LSM14A: variants seen among roughly 807,000 people sequenced by gnomAD.
LSM14A encodes LSM14A mRNA processing body assembly factor, also known as protein LSM14 homolog A.
In LSM14A, 14 loss-of-function variants were observed where a neutral mutation model predicts 52.4. That is an observed-to-expected ratio of 0.27 (90% confidence interval 0.18 to 0.42). The LOEUF (loss-of-function observed/expected upper bound fraction) is 0.42, where lower values mean the gene tolerates loss of function less well. LSM14A is among the 10% of genes least tolerant of loss of function. The probability of loss-of-function intolerance (pLI) is 1.00; values close to 1 mark genes in which losing one functional copy is unlikely to be tolerated. For synonymous variants in LSM14A, 185 were observed against 200.3 expected, an observed-to-expected ratio of 0.92 and a Z score of 0.64; for missense variants, 417 against 581.8, an observed-to-expected ratio of 0.72 and a Z score of 2.91.
intron 4 of LSM14A, among the ~76,000 whole-genome samples, chr19:34,210,385 T>C (rs2145788108): frequency 6.6e-6 from 1 of 152,064 alleles, no homozygotes; most frequent in South Asian, 2.1e-4. Flanking sequence ...TTCTCCTGCC[T>C]CACCCTCCCA....
At chr19:34,199,721 C>G (rs947273893) in intron 3 of LSM14A, among the ~76,000 whole-genome samples, 3 of 152,090 alleles carry the variant, frequency 2.0e-5, no homozygotes, top group Non-Finnish European at 4.4e-5. Flanking sequence ...AATACCACTC[C>G]CCACTAAAAG....
intron 1 of LSM14A, among the ~76,000 whole-genome samples, chr19:34,193,715 G>A (rs2070635385): frequency 6.6e-6 from 1 of 152,088 alleles, no homozygotes; most frequent in South Asian, 2.1e-4. Context: ...TTACTGCTCA[G>A]CAAGGTAAAT....
chr19:34,219,095 C>T (rs2145865194), intron 6 of LSM14A, among the ~76,000 whole-genome samples: 1 of 152,290 alleles, frequency 6.6e-6, no homozygotes, highest in East Asian at 1.9e-4. Flanking sequence ...TAATTTAGTG[C>T]AGAAGCCTCC....
chr19:34,220,948 T>C (rs757281039), intron 8 of LSM14A, among the ~76,000 whole-genome samples: 5 of 152,194 alleles, frequency 3.3e-5, no homozygotes, highest in Non-Finnish European at 7.3e-5. Flanking sequence ...ATTTTGGAGC[T>C]GTTACTATGT....
chr19:34,215,917 G>A (rs2072551563), intron 6 of LSM14A, among the ~76,000 whole-genome samples: 1 of 152,062 alleles, frequency 6.6e-6, no homozygotes, highest in African/African-American at 2.4e-5. Context: ...TGTACAAACT[G>A]GTGACATCTG....
intron 3 of LSM14A, among the ~76,000 whole-genome samples, chr19:34,202,492 C>CAA (rs113672361): frequency 9.9e-5 from 9 of 90,458 alleles, no homozygotes; most frequent in East Asian, 3.1e-4. Flanking sequence ...GACTGTGTCT[C>CAA]AAAAAAAAAA....
chr19:34,216,703 C>A (rs9676318), intron 6 of LSM14A, among the ~76,000 whole-genome samples: 15,735 of 152,068 alleles, frequency 0.1, 1,493 homozygotes, highest in African/African-American at 0.23. Context: ...TATTTTCCAC[C>A]CACCTCAGCC....
intron 1 of LSM14A, among the ~76,000 whole-genome samples, chr19:34,173,633 A>G (rs941700263): frequency 2.6e-5 from 4 of 152,194 alleles, no homozygotes; most frequent in African/African-American, 9.7e-5. Flanking sequence ...TCACACGTGC[A>G]GGGCCTTTGC....
chr19:34,179,470 C>G (rs989938712), intron 1 of LSM14A, among the ~76,000 whole-genome samples: 1 of 152,128 alleles, frequency 6.6e-6, no homozygotes, highest in Non-Finnish European at 1.5e-5. Flanking sequence ...AACTTCAAGC[C>G]ACAGTTTCTT....
chr19:34,226,565 G>A, intron 9 of LSM14A: 1 of 1,013,108 alleles, frequency 9.9e-7, no homozygotes, highest in Non-Finnish European at 1.4e-6. Flanking sequence ...CATACCATAT[G>A]TATTTCAGTT....
Position 34,219,590 on chromosome 19 carries a change from C to A in LSM14A, c.964+17C>A. The A allele has an allele frequency of 6.3e-7, 1 of 1,595,512 alleles. No homozygotes were observed. Among genetic ancestry groups the A allele is most frequent in the Non-Finnish European group, 8.6e-7 (1 of 1,168,534 alleles). ...AATTAAAAGGTAAGCTTTGATTTTT[C>A]TTTTCAGAAAATAATCTTATTTGAT... On this transcript the variant is annotated intron_variant, in intron 7 of 9. Transcript: ENST00000544216.
At chr19:34,193,202 C>G (rs2070581519) in intron 1 of LSM14A, among the ~76,000 whole-genome samples, 1 of 152,136 alleles carries the variant, frequency 6.6e-6, no homozygotes, top group Non-Finnish European at 1.5e-5. Flanking sequence ...GCTGTGTCAC[C>G]CAGGCTGCAG....
At chr19:34,225,234 C>CA (rs1199545574) in intron 9 of LSM14A, among the ~76,000 whole-genome samples, 1 of 149,630 alleles carries the variant, frequency 6.7e-6, no homozygotes, top group Non-Finnish European at 1.5e-5. Flanking sequence ...AAAGGTCTGT[C>CA]AATGTAGCTA....
chr19:34,212,584 T>C (rs777616228), intron 4 of LSM14A, among the ~76,000 whole-genome samples: 2 of 152,246 alleles, frequency 1.3e-5, no homozygotes, highest in Non-Finnish European at 2.9e-5. Flanking sequence ...TTAAGTTTTA[T>C]CAACTAAAAT....
At chr19:34,196,542 T>C (rs530550093) in intron 2 of LSM14A, 92 bp from the exon 3 acceptor site, 203 of 1,242,652 alleles carry the variant, frequency 1.6e-4, no homozygotes, top group Non-Finnish European at 2.2e-4. Context: ...TATAATTTAA[T>C]AGTTTTCTTA....
intron 1 of LSM14A, among the ~76,000 whole-genome samples, chr19:34,190,146 G>C (rs549024378): frequency 6.6e-6 from 1 of 152,170 alleles, no homozygotes; most frequent in Admixed American, 6.5e-5. Flanking sequence ...TAATGTTCAA[G>C]TTTTAATCTT....
In LSM14A at chr19:34,215,196, C is replaced by T. The variant is rs1270430634; in HGVS notation, c.611C>T (p.Ala204Val). Reference protein sequence around the residue: ...TMEQAVQTASAHLPAPAAVGR... With the variant: ...TMEQAVQTASVHLPAPAAVGR... ...GAACAAGCAGTGCAGACCGCCTCAG[C>T]CCACTTACCTGCTCCAGCAGCTGTT... The change falls in exon 5 of 10, where the codon GCC (alanine) becomes GTC (valine). Residue 204 changes from alanine to valine, a missense_variant. Around this residue, in one of 2 missense-constraint regions of LSM14A, gnomAD observed 357 missense variants for 457.0 expected, o/e 0.78. Coordinates refer to ENST00000544216, the MANE Select transcript of LSM14A (RefSeq NM_015578.4). The T allele has an allele frequency of 2.5e-6, 4 of 1,614,146 alleles. No homozygotes were observed. The highest frequency in any genetic ancestry group is 1.3e-5 in the African/African-American group (1 of 75,032).
intron 1 of LSM14A, among the ~76,000 whole-genome samples, chr19:34,183,381 T>C (rs532492843): frequency 2.0e-5 from 3 of 151,976 alleles, no homozygotes; most frequent in Non-Finnish European, 4.4e-5. Context: ...TGAAACCCCG[T>C]CTCTACTAAA....
chr19:34,216,604 C>T (rs766832454), intron 6 of LSM14A, among the ~76,000 whole-genome samples: 22 of 151,968 alleles, frequency 1.4e-4, no homozygotes, highest in Middle Eastern at 6.8e-3. Flanking sequence ...GGATTACAGC[C>T]GCGTGCCACC....
Sources: allele counts gnomAD v4.1 joint callset (sites outside exome capture counted in the v4.1 genomes callset), GRCh38; gene constraint gnomAD v4.1.1; regional missense constraint gnomAD v4.1.1; transcripts MANE v1.5; gene names NCBI Gene and HGNC (gene_info 2026-07-23, HGNC 2026-07-21).